PALM2AKAP2: variants seen among roughly 807,000 people sequenced by gnomAD.
The protein encoded by PALM2AKAP2 is PALM2-AKAP2 fusion protein.
In PALM2AKAP2, 37 loss-of-function variants were observed where a neutral mutation model predicts 71.5. That is an observed-to-expected ratio of 0.52 (90% CI 0.40 to 0.68). The LOEUF is 0.68. Ranked by LOEUF, PALM2AKAP2 falls within the 30% of genes least tolerant of loss-of-function variation. PALM2AKAP2 has a pLI of 0.00. For synonymous variants in PALM2AKAP2, 468 were observed against 478.8 expected (o/e 0.98, Z 0.29); for missense variants, 1,224 against 1,191.8 (o/e 1.03, Z -0.40).
At chr9:110,151,412 G>A (rs1260701092) in intron 2 of PALM2AKAP2, among the ~76,000 whole-genome samples, 1 of 152,150 alleles carries the variant, frequency 6.6e-6, no homozygotes, top group Non-Finnish European at 1.5e-5. Context: ...CTAAACTTAA[G>A]AAATGCTGCA....
At chr9:109,804,524 G>A (rs34351905) in intron 1 of PALM2AKAP2, among the ~76,000 whole-genome samples, 26,855 of 151,876 alleles carry the variant, frequency 0.18, 2,736 homozygotes, top group East Asian at 0.34. Context: ...TTCTTTTTGC[G>A]GTAGTAACGA....
intron 1 of PALM2AKAP2, among the ~76,000 whole-genome samples, chr9:110,096,095 G>C (rs1222288319): frequency 6.6e-6 from 1 of 152,154 alleles, no homozygotes; most frequent in South Asian, 2.1e-4. Context: ...GGTTTACCCT[G>C]ACCAATTTAT....
intron 1 of PALM2AKAP2, among the ~76,000 whole-genome samples, chr9:109,763,036 C>A (rs561906324): frequency 6.6e-5 from 10 of 152,264 alleles, no homozygotes; most frequent in Admixed American, 1.3e-4. Flanking sequence ...GACCAGAGGG[C>A]AGCACTTTCA....
intron 2 of PALM2AKAP2, among the ~76,000 whole-genome samples, chr9:109,874,932 T>A (rs1829686289): frequency 2.0e-5 from 3 of 152,230 alleles, no homozygotes; most frequent in African/African-American, 7.2e-5. Context: ...CAAGCTAATA[T>A]TCTCTGTCAC....
At chr9:110,111,184 C>T (rs998833982) in intron 1 of PALM2AKAP2, among the ~76,000 whole-genome samples, 4 of 140,230 alleles carry the variant, frequency 2.9e-5, no homozygotes, top group African/African-American at 1.1e-4. Flanking sequence ...CTCAATGGCT[C>T]AGGCTCCAGT....
chr9:109,810,097 A>C (rs183571604), intron 1 of PALM2AKAP2, among the ~76,000 whole-genome samples: 98 of 152,322 alleles, frequency 6.4e-4, no homozygotes, highest in African/African-American at 2.3e-3. Context: ...GGTTTTCAAC[A>C]TATAAATTTG....
chr9:109,954,500 G>A (rs1364183473), intron 6 of PALM2AKAP2, among the ~76,000 whole-genome samples: 1 of 128,422 alleles, frequency 7.8e-6, no homozygotes, highest in Non-Finnish European at 1.6e-5. Flanking sequence ...ACACTCTGGG[G>A]ACTGTAGTGG....
chr9:109,888,463 C>A (rs1830014758), intron 3 of PALM2AKAP2, among the ~76,000 whole-genome samples: 1 of 152,090 alleles, frequency 6.6e-6, no homozygotes, highest in East Asian at 1.9e-4. Context: ...AATCCCAGCA[C>A]TTTGGGAGGC....
At chr9:109,896,362 G>A (rs7870086) in intron 3 of PALM2AKAP2, among the ~76,000 whole-genome samples, 58,382 of 151,752 alleles carry the variant, frequency 0.38, 12,118 homozygotes, top group Non-Finnish European at 0.46. Flanking sequence ...GGGACACAAC[G>A]AAACCATATC....
chr9:110,137,254 G>A lies in PALM2AKAP2; in HGVS notation c.1284G>A (p.Ala428=), dbSNP rs3739457. 1,108 of 1,614,250 alleles carry A rather than the reference G, an allele frequency of 6.9e-4. 10 individuals carry two copies. In the East Asian group the frequency reaches 0.022, roughly 32 times the overall value. The change falls in exon 2 of 4, where the codon GCG becomes GCA. Residue 428 remains alanine, a synonymous_variant. Transcript: ENST00000374525. ...AGCTGATGGAGAATTCCAGGCAAGC[G>A]GTGGCCAAGGGCCAGAGTACACCCA...
intron 1 of PALM2AKAP2, among the ~76,000 whole-genome samples, chr9:110,097,903 A>C: frequency 7.1e-6 from 1 of 140,840 alleles, no homozygotes; most frequent in East Asian, 1.9e-4. Flanking sequence ...CTCCGTCTGC[A>C]ATCCCGGCAC....
chr9:110,069,825 C>T (rs1040482421), intron 1 of PALM2AKAP2, among the ~76,000 whole-genome samples: 10 of 152,188 alleles, frequency 6.6e-5, no homozygotes, highest in African/African-American at 2.4e-4. Context: ...CCGGCTTCCG[C>T]CTGGTATGAT....
At chr9:109,932,008 A>G in exon 6 of PALM2AKAP2, 1 of 1,613,520 alleles carries the variant, frequency 6.2e-7, no homozygotes, top group Non-Finnish European at 8.5e-7. Flanking sequence ...CCTGGGCAGG[A>G]CGGGACCAGC....
chr9:110,063,946 C>A (rs1834019925), intron 1 of PALM2AKAP2, among the ~76,000 whole-genome samples: 1 of 152,160 alleles, frequency 6.6e-6, no homozygotes, highest in East Asian at 1.9e-4. Context: ...AGGCTCTTTA[C>A]CAGTTCATGC....
chr9:109,660,734 A>G (rs1260618612), intron 1 of PALM2AKAP2, among the ~76,000 whole-genome samples: 1 of 152,166 alleles, frequency 6.6e-6, no homozygotes, highest in African/African-American at 2.4e-5. Flanking sequence ...TCCTTGAGGA[A>G]ACCCCACACT....
At position 109,932,841 on chromosome 9, in the gene PALM2AKAP2, G is replaced by A. The variant is rs1831136716; in HGVS notation, c.496+813G>A. Among the ~76,000 whole-genome samples, 5 of 152,178 alleles carry A rather than the reference G, an allele frequency of 3.3e-5. No homozygotes were observed. In the South Asian group the frequency reaches 8.3e-4, roughly 25 times the overall value. ...AAATATGAGTATCAGATTCTGCTTT[G>A]CATATTCTAGGTAAGTGTATGTTTA... On this transcript the variant is annotated intron_variant, in intron 6 of 9. Transcript: ENST00000302798.
At chr9:109,863,678 G>A (rs1326807270) in intron 1 of PALM2AKAP2, among the ~76,000 whole-genome samples, 1 of 152,234 alleles carries the variant, frequency 6.6e-6, no homozygotes, top group Non-Finnish European at 1.5e-5. Flanking sequence ...ATCAGAAACT[G>A]CAAGTGAGTT....
intron 1 of PALM2AKAP2, among the ~76,000 whole-genome samples, chr9:110,135,299 CAAAAAAAAAAAAA>C: frequency 1.4e-4 from 1 of 7,256 alleles, no homozygotes; most frequent in South Asian, 4.1e-3. Context: ...AATCCCATCT[CAAAAAAAAAAAAA>C]AAAAAAAAAA....
chr9:110,088,391 C>A (rs928138867), intron 1 of PALM2AKAP2, among the ~76,000 whole-genome samples: 1 of 152,176 alleles, frequency 6.6e-6, no homozygotes. Flanking sequence ...AGTTATACTT[C>A]TATGCAAATG....
Sources: allele counts gnomAD v4.1 joint callset (sites outside exome capture counted in the v4.1 genomes callset), GRCh38; gene constraint gnomAD v4.1.1; transcripts MANE v1.5; gene names NCBI Gene and HGNC (gene_info 2026-07-23, HGNC 2026-07-21).